ACO1: variants seen among roughly 807,000 people sequenced by gnomAD.
The protein encoded by ACO1 is aconitase 1.
A neutral mutation model predicts 105.1 loss-of-function variants in ACO1; 78 were observed. That is an observed-to-expected ratio of 0.74 (90% CI 0.62 to 0.90). ACO1 has a LOEUF of 0.90. Ranked by LOEUF, ACO1 falls within the 40% of genes least tolerant of loss-of-function variation. ACO1 has a pLI of 0.00. For missense variants in ACO1, 965 were observed against 1,111.1 expected, an observed-to-expected ratio of 0.87 and a Z score of 1.87; for synonymous variants, 364 against 397.4, an observed-to-expected ratio of 0.92 and a Z score of 1.00.
Position 32,436,015 on chromosome 9 carries a change from A to G in ACO1, c.2100-235A>G, listed in dbSNP as rs1331601000. 4.5e-6 allele frequency: 3 copies of G among 669,922 alleles called. No individual in the cohort carries two copies. The East Asian group carries it at 8.8e-5, about 20-fold the overall frequency. 41.5% of individuals were successfully genotyped at this position (669,922 alleles called of 1,614,324 possible). ...ATTTTTCTAACCAGATTTGAAAGAC[A>G]ATTAACCCAGGAGAATACTGACTTA... is the stretch of plus-strand genomic sequence containing the variant. On this transcript the variant is annotated intron_variant, in intron 17 of 20. Coordinates refer to ENST00000309951, the MANE Select transcript of ACO1 (RefSeq NM_002197.3).
In ACO1 at chr9:32,450,351, A is replaced by AGTAGTGCCAGAAAG; in HGVS notation, c.*241_*254dup. 1.7e-6 allele frequency: 1 copy of AGTAGTGCCAGAAAG among 574,966 alleles called. No individual in the cohort carries two copies. The highest frequency in any genetic ancestry group is 1.8e-5 in the South Asian group (1 of 55,814). 35.6% of individuals were successfully genotyped at this position (574,966 alleles called of 1,614,324 possible). A position where few individuals can be genotyped will look rare whatever the true frequency, so the allele number is the denominator to read the frequency against. On this transcript the variant is annotated 3_prime_UTR_variant, in exon 21 of 21. Transcript: ENST00000309951. ...TGGAAGCTAGAATGGTGGGAATGTCAGTAGTGCCAGAAAGAGAGAACCAAG... is the reference window on the plus strand; with the variant it reads ...TGGAAGCTAGAATGGTGGGAATGTCAGTAGTGCCAGAAAGGTAGTGCCAGAAAGAGAGAACCAAG...
rs757227454 is a variant in ACO1 at position 32,434,680 on chromosome 9, C to G, written c.2078C>G (p.Ala693Gly). Reference protein sequence around the residue: ...AGNIARNSPAARYLTNRGLTP... With the variant: ...AGNIARNSPAGRYLTNRGLTP... ...AATATTGCAAGAAACAGTCCTGCTG[C>G]TCGCTACTTAACTAACAGAGGGTAA... Residue 693 changes from alanine (A) to glycine (G), a missense_variant, in exon 17 of 21, where the codon GCT becomes GGT. Ala to Gly is a moderately conservative substitution (Grantham distance 60). Coordinates refer to ENST00000309951, the MANE Select transcript of ACO1 (RefSeq NM_002197.3). 1 of 1,614,086 alleles carries G rather than the reference C, an allele frequency of 6.2e-7. No homozygotes were observed. Among genetic ancestry groups the G allele is most frequent in the South Asian group, 1.1e-5 (1 of 91,080 alleles).
At chr9:32,409,478 G>A (rs183065819) in intron 4 of ACO1, among the ~76,000 whole-genome samples, 18 of 152,314 alleles carry the variant, frequency 1.2e-4, no homozygotes, top group African/African-American at 4.1e-4. Context: ...AAACAACTCT[G>A]AGGATAGGTT....
chr9:32,449,089 G>A lies in ACO1; in HGVS notation c.2556+8G>A, dbSNP rs778196856. On this transcript the variant is annotated splice_region_variant and intron_variant, in intron 20 of 20. Coordinates refer to ENST00000309951, the MANE Select transcript of ACO1 (RefSeq NM_002197.3). ...ATGAAAGTCCAGGTCAAGGTAAGCT[G>A]GAGCCTCTCTATGCCAGGCCCTGTC... 1 of 1,595,092 alleles carries A rather than the reference G, an allele frequency of 6.3e-7. No homozygotes were observed. The highest frequency in any genetic ancestry group is 1.1e-5 in the South Asian group (1 of 88,640).
rs1158195634 is a variant in ACO1 at position 32,454,586 on chromosome 9, G to A, written c.*4475G>A. ...TGTCCATGAAAAAGACTCCCCAGTT[G>A]TTTCTAAAATGTGGCCTTTGTTCTA... is the stretch of plus-strand genomic sequence containing the variant. On this transcript the variant is annotated 3_prime_UTR_variant, in exon 21 of 21. Transcript: ENST00000309951. The A allele has an allele frequency of 2.0e-5, 3 of 152,180 alleles. No individual in the cohort carries two copies. The highest frequency in any genetic ancestry group is 4.4e-5 in the Non-Finnish European group (3 of 68,022). The allele number at this position is 152,180 out of a possible 1,614,324, so 9.4% of individuals were successfully genotyped here. A position where few individuals can be genotyped will look rare whatever the true frequency, so the allele number is the denominator to read the frequency against.
chr9:32,399,964 C>CTTTT (rs1300474052), intron 1 of ACO1, among the ~76,000 whole-genome samples: 119 of 42,328 alleles, frequency 2.8e-3, no homozygotes, highest in South Asian at 5.9e-3. Flanking sequence ...TTTTCTTTTT[C>CTTTT]TGTTTTTTTT....
intron 1 of ACO1, among the ~76,000 whole-genome samples, chr9:32,398,674 G>C (rs945761874): frequency 1.3e-5 from 2 of 151,438 alleles, no homozygotes; most frequent in Non-Finnish European, 2.9e-5. Context: ...GCTCACTGTA[G>C]CCTCAATCTT....
At chr9:32,433,669 A>G (rs1822289121) in intron 15 of ACO1, 59 bp from the exon 16 acceptor site, 15 of 1,278,680 alleles carry the variant, frequency 1.2e-5, no homozygotes, top group Middle Eastern at 1.9e-4. Context: ...TTGTGTTTGC[A>G]TATTAAATTT....
At chr9:32,433,300 C>T (rs1231842480) in intron 15 of ACO1, among the ~76,000 whole-genome samples, 1 of 152,194 alleles carries the variant, frequency 6.6e-6, no homozygotes, top group Non-Finnish European at 1.5e-5. Flanking sequence ...GTAGTGTCAT[C>T]ATAGCTCACT....
At position 32,407,374 on chromosome 9, in the gene ACO1, C is replaced by G; in HGVS notation, c.211C>G (p.His71Asp). The G allele has an allele frequency of 6.2e-7, 1 of 1,614,090 alleles. No homozygotes were observed. The highest frequency in any genetic ancestry group is 2.2e-5 in the East Asian group (1 of 44,868). The change falls in exon 3 of 21, where the codon CAC becomes GAC. Residue 71 changes from histidine to aspartate, a missense_variant. Transcript: ENST00000309951. ...ENILHWNVTQ[H>D]KNIEVPFKPA... is the part of the protein sequence containing the mutation. ...TATTCTACATTGGAATGTCACGCAGCACAAGAACATAGAAGTGCCATTTAA... is the reference window on the plus strand; with the variant it reads ...TATTCTACATTGGAATGTCACGCAGGACAAGAACATAGAAGTGCCATTTAA...
intron 7 of ACO1, 93 bp from the exon 8 acceptor site, chr9:32,420,763 C>G: frequency 2.9e-6 from 4 of 1,360,940 alleles, no homozygotes; most frequent in Non-Finnish European, 3.0e-6. Context: ...GGTTTACTGA[C>G]AAGACTAGTT....
chr9:32,402,983 T>G (rs750247793), intron 1 of ACO1, among the ~76,000 whole-genome samples: 20 of 152,326 alleles, frequency 1.3e-4, no homozygotes, highest in Non-Finnish European at 2.5e-4. Flanking sequence ...GGCTCAGACC[T>G]GGTCTTGGGG....
At position 32,436,280 on chromosome 9, in the gene ACO1, C is replaced by T; in HGVS notation, c.2130C>T (p.Gly710=). Residue 710 remains glycine, a synonymous_variant, in exon 18 of 21, where the codon GGC becomes GGT. Transcript: ENST00000309951. ...GLTPREFNSY[G]SRRGNDAVMA... ...CTCCACGAGAATTCAACTCCTATGG[C>T]TCCCGCCGAGGTAATGACGCCGTCA... 1.2e-6 allele frequency: 2 copies of T among 1,614,178 alleles called. No homozygotes were observed. Among genetic ancestry groups the T allele is most frequent in the Non-Finnish European group, 1.7e-6 (2 of 1,180,016 alleles).
chr9:32,414,008 G>T (rs1821797148), intron 4 of ACO1, among the ~76,000 whole-genome samples: 1 of 152,110 alleles, frequency 6.6e-6, no homozygotes, highest in Admixed American at 6.6e-5. Context: ...AATTAACTGG[G>T]TGTGGTGGCA....
chr9:32,429,455 T>C lies in ACO1; in HGVS notation c.1521T>C (p.Ile507=). 2 of 1,614,228 alleles carry C rather than the reference T, an allele frequency of 1.2e-6. No individual in the cohort carries two copies. The highest frequency in any genetic ancestry group is 1.1e-5 in the South Asian group (1 of 91,082). Residue 507 remains isoleucine (I), a synonymous_variant, in exon 13 of 21, where the codon ATT becomes ATC. Coordinates refer to ENST00000309951, the MANE Select transcript of ACO1 (RefSeq NM_002197.3). ...TGGGCTATGGCTGCATGACCTGCATTGGCAACAGTGGGCCTTTACCTGAAC... is the reference window on the plus strand; with the variant it reads ...TGGGCTATGGCTGCATGACCTGCATCGGCAACAGTGGGCCTTTACCTGAAC... ...DVVGYGCMTC[I]GNSGPLPEPV... is the part of the protein sequence containing the mutation.
chr9:32,449,208 C>T (rs935827500), intron 20 of ACO1, 127 bp downstream of exon 20: 1 of 819,846 alleles, frequency 1.2e-6, no homozygotes, highest in Non-Finnish European at 1.9e-6. Context: ...CTGCATTAGA[C>T]TTAGGAGGCC....
At chr9:32,446,694 A>G (rs991924840) in intron 19 of ACO1, among the ~76,000 whole-genome samples, 3 of 152,058 alleles carry the variant, frequency 2.0e-5, no homozygotes, top group Non-Finnish European at 4.4e-5. Flanking sequence ...GGTCTTTACA[A>G]TTTGGTATGT....
At chr9:32,387,061 T>C (rs62571703) in intron 1 of ACO1, among the ~76,000 whole-genome samples, 22,643 of 152,180 alleles carry the variant, frequency 0.15, 2,114 homozygotes, top group South Asian at 0.29. Context: ...AAGATGATGA[T>C]AAAAACCAAC....
chr9:32,390,801 C>T lies in ACO1; in HGVS notation c.-23+6066C>T, dbSNP rs964453268. On this transcript the variant is annotated intron_variant, in intron 1 of 20. Coordinates refer to ENST00000309951, the MANE Select transcript of ACO1 (RefSeq NM_002197.3). ...TCTTAAATTCGAGCCAATATAAAAA[C>T]GTAGCTTTCTAAAAAGAAAATGTTT... is the stretch of plus-strand genomic sequence containing the variant. Among the ~76,000 whole-genome samples the T allele has an allele frequency of 3.9e-5, 6 of 152,192 alleles. 1 individual carries two copies. The highest frequency in any genetic ancestry group is 7.2e-5 in the African/African-American group (3 of 41,528).
Sources: allele counts gnomAD v4.1 joint callset (sites outside exome capture counted in the v4.1 genomes callset), GRCh38; gene constraint gnomAD v4.1.1; transcripts MANE v1.5; gene names NCBI Gene and HGNC (gene_info 2026-07-23, HGNC 2026-07-21).